MYCBP: variants seen among roughly 807,000 people sequenced by gnomAD.
The protein encoded by MYCBP is MYC binding protein, also known as C-Myc-binding protein.
Under a neutral mutation model 16.8 loss-of-function variants are expected in MYCBP, and 5 were observed. That is an observed-to-expected ratio of 0.30 (90% CI 0.16 to 0.63). The LOEUF is 0.63. MYCBP is among the 20% of genes least tolerant of loss of function. The pLI is 0.83. For synonymous variants in MYCBP, 35 were observed against 43.7 expected (o/e 0.80, Z 0.79); for missense variants, 103 against 121.8 (o/e 0.85, Z 0.73).
intron 4 of MYCBP, among the ~76,000 whole-genome samples, chr1:38,866,044 C>CTTTTTCTTTTTTT (rs1642327832): frequency 1.5e-5 from 1 of 65,720 alleles, no homozygotes; most frequent in Non-Finnish European, 2.5e-5. Flanking sequence ...CTAAGAACCT[C>CTTTTTCTTTTTTT]TTTTTTTTTT....
rs1348672427 is a variant in MYCBP at position 38,873,339 on chromosome 1, G to C, written c.-34C>G. 3 of 1,598,140 alleles carry C rather than the reference G, an allele frequency of 1.9e-6. No individual in the cohort carries two copies. The highest frequency in any genetic ancestry group is 1.1e-5 in the South Asian group (1 of 90,422). ...CGGCAGCGGCGTAGCTGGCGCCGGA[G>C]ACCGCGACTGGCGGGTTGGGAGCAG... On this transcript the variant is annotated 5_prime_UTR_variant, in exon 1 of 5. Transcript: ENST00000397572.
rs1223657103 is a variant in MYCBP at position 38,873,040 on chromosome 1, C to T, written c.66G>A (p.Gly22=). 5 of 1,576,820 alleles carry T rather than the reference C, an allele frequency of 3.2e-6. No homozygotes were observed. In the African/African-American group the frequency reaches 4.1e-5, roughly 13 times the overall value. ...EQFRRYLEKS[G]VLDTLTKVLV... is the part of the protein sequence containing the mutation. The stretch of plus-strand genomic sequence containing the variant: ...CACCCTTGGTCAGCGTGTCCAGCAC[C>T]CCCGACTTCTCCAAGTACCTCCGGA... Residue 22 remains glycine, a synonymous_variant, in exon 2 of 5, where the codon GGG becomes GGA. Coordinates refer to ENST00000397572, the MANE Select transcript of MYCBP (RefSeq NM_012333.5).
chr1:38,869,906 C>T (rs191184731), intron 2 of MYCBP, among the ~76,000 whole-genome samples: 6 of 151,888 alleles, frequency 4.0e-5, no homozygotes, highest in African/African-American at 7.2e-5. Context: ...TGATGGCTCA[C>T]GCCTATAATC....
intron 2 of MYCBP, among the ~76,000 whole-genome samples, chr1:38,870,656 G>A (rs1257474617): frequency 3.3e-5 from 5 of 149,970 alleles, no homozygotes; most frequent in Non-Finnish European, 5.9e-5. Flanking sequence ...AGCCGGGCGC[G>A]GTGGCGGGCG....
chr1:38,862,848 T>C lies in MYCBP; in HGVS notation c.*1822A>G, dbSNP rs1485979537. 1.3e-5 allele frequency: 2 copies of C among 152,164 alleles called. No individual in the cohort carries two copies. The allele number at this position is 152,164 out of a possible 1,614,324, so 9.4% of individuals were successfully genotyped here. A position where few individuals can be genotyped will look rare whatever the true frequency, so the allele number is the denominator to read the frequency against. On this transcript the variant is annotated 3_prime_UTR_variant, in exon 5 of 5. Transcript: ENST00000397572. ...GTCACAGTCACCTGGCTTACTGACA[T>C]AAATATTAATACTAATCAAATGAGT...
chr1:38,866,773 T>C (rs1052063561), intron 4 of MYCBP, 107 bp downstream of exon 4: 2 of 939,530 alleles, frequency 2.1e-6, no homozygotes, highest in South Asian at 1.6e-5. Context: ...TTAATTCAAA[T>C]TGATATTCAC....
intron 2 of MYCBP, among the ~76,000 whole-genome samples, chr1:38,871,569 T>A (rs1642468396): frequency 6.7e-6 from 1 of 149,352 alleles, no homozygotes; most frequent in African/African-American, 2.5e-5. Flanking sequence ...GCACACACCA[T>A]GCCCAGCAAT....
At chr1:38,868,965 T>G (rs1213615220) in intron 2 of MYCBP, among the ~76,000 whole-genome samples, 2 of 152,140 alleles carry the variant, frequency 1.3e-5, no homozygotes, top group Non-Finnish European at 2.9e-5. Flanking sequence ...AGACCCCAAG[T>G]TAAGTCCTGT....
At chr1:38,870,965 G>A (rs1642451904) in intron 2 of MYCBP, among the ~76,000 whole-genome samples, 1 of 151,046 alleles carries the variant, frequency 6.6e-6, no homozygotes. Context: ...TCTAGTGGAG[G>A]GCGGTGGCTC....
intron 2 of MYCBP, among the ~76,000 whole-genome samples, chr1:38,868,775 G>C (rs1042240234): frequency 6.6e-6 from 1 of 152,008 alleles, no homozygotes; most frequent in African/African-American, 2.4e-5. Flanking sequence ...GCGTGGTGGC[G>C]GGCGGCTGTA....
rs369929796 is a variant in MYCBP at position 38,868,741 on chromosome 1, TAA to T, written c.89-1133_89-1132del. Reference sequence around the variant, plus strand: ...TAACACAGTGAAACCCCGTCTCTACTAAAAAATACAAAAAATGAGCCAGGCGT... The same window carrying T: ...TAACACAGTGAAACCCCGTCTCTACTAAAATACAAAAAATGAGCCAGGCGT... On this transcript the variant is annotated intron_variant, in intron 2 of 4. Transcript: ENST00000397572. Among the ~76,000 whole-genome samples, 3 of 151,976 alleles carry T rather than the reference TAA, an allele frequency of 2.0e-5. No individual in the cohort carries two copies. In the East Asian group the frequency reaches 5.8e-4, roughly 30 times the overall value.
chr1:38,865,597 T>C (rs1642318641), intron 4 of MYCBP, among the ~76,000 whole-genome samples: 1 of 151,518 alleles, frequency 6.6e-6, no homozygotes, highest in South Asian at 2.1e-4. Flanking sequence ...GAGTCATGAG[T>C]TTGAGACCAG....
chr1:38,870,759 G>A (rs1341095100), intron 2 of MYCBP, among the ~76,000 whole-genome samples: 3 of 124,750 alleles, frequency 2.4e-5, no homozygotes, highest in Non-Finnish European at 3.2e-5. Context: ...CGCCACTGCA[G>A]TCCGCAGTCC....
In MYCBP at chr1:38,863,318, T is replaced by G. The variant is rs1194517874; in HGVS notation, c.*1352A>C. On this transcript the variant is annotated 3_prime_UTR_variant, in exon 5 of 5. Coordinates refer to ENST00000397572, the MANE Select transcript of MYCBP (RefSeq NM_012333.5). ...AGTTAAACCAGTTTTCATTGGATCA[T>G]TTTGTTTTCTATGTGTGTTTTGACC... 6.6e-6 allele frequency: 1 copy of G among 152,220 alleles called. No individual in the cohort carries two copies. The highest frequency in any genetic ancestry group is 2.4e-5 in the African/African-American group (1 of 41,440). The allele number at this position is 152,220 out of a possible 1,614,324, so 9.4% of individuals were successfully genotyped here.
At chr1:38,867,508 A>G in intron 3 of MYCBP, 54 bp downstream of exon 3, 1 of 1,389,472 alleles carries the variant, frequency 7.2e-7, no homozygotes, top group Non-Finnish European at 1.0e-6. Flanking sequence ...GTTATTATCT[A>G]TCTAAAAAAA....
rs1324278113 is a variant in MYCBP at position 38,867,125 on chromosome 1, G to A, written c.138-116C>T. ...CCACTTTACCACCAATATCTACCCAGAGATCACCATCCAAAAACTCAAGTG... is the reference window on the plus strand; with the variant it reads ...CCACTTTACCACCAATATCTACCCAAAGATCACCATCCAAAAACTCAAGTG... On this transcript the variant is annotated intron_variant, in intron 3 of 4. Coordinates refer to ENST00000397572, the MANE Select transcript of MYCBP (RefSeq NM_012333.5). 5 of 998,744 alleles carry A rather than the reference G, an allele frequency of 5.0e-6. No homozygotes were observed. In the African/African-American group the frequency reaches 8.2e-5, roughly 16 times the overall value. 61.9% of individuals were successfully genotyped at this position (998,744 alleles called of 1,614,324 possible).
chr1:38,868,594 A>G (rs1293465898), intron 2 of MYCBP, among the ~76,000 whole-genome samples: 1 of 152,128 alleles, frequency 6.6e-6, no homozygotes, highest in Non-Finnish European at 1.5e-5. Flanking sequence ...TAATAAAAGC[A>G]AAAAAAGTAA....
chr1:38,873,075 G>T lies in MYCBP; in HGVS notation c.31C>A (p.Arg11Ser). The change falls in exon 2 of 5, where the codon CGT (arginine) becomes AGT (serine). Residue 11 changes from arginine to serine, a missense_variant. Physicochemically the swap from Arg to Ser is moderately radical, Grantham distance 110. Coordinates refer to ENST00000397572, the MANE Select transcript of MYCBP (RefSeq NM_012333.5). The part of the protein sequence containing the change: MAHYKAADSK[R>S]EQFRRYLEKS... Reference sequence around the variant, plus strand: ...TCCAAGTACCTCCGGAACTGCTCACGCTTCGAGTCGGCGGCCTGAAGAGAC... The same window carrying T: ...TCCAAGTACCTCCGGAACTGCTCACTCTTCGAGTCGGCGGCCTGAAGAGAC... 6.4e-7 allele frequency: 1 copy of T among 1,564,070 alleles called. No individual in the cohort carries two copies. Among genetic ancestry groups the T allele is most frequent in the Admixed American group, 1.9e-5 (1 of 53,032 alleles).
At chr1:38,868,832 G>T (rs2124258487) in intron 2 of MYCBP, among the ~76,000 whole-genome samples, 1 of 152,190 alleles carries the variant, frequency 6.6e-6, no homozygotes, top group African/African-American at 2.4e-5. Flanking sequence ...CGTCAACCCA[G>T]GAGGCGGAGC....
Sources: gnomAD v4.1 joint callset for allele counts (sites outside exome capture counted in the v4.1 genomes callset) on GRCh38, gnomAD v4.1.1 for gene constraint, MANE v1.5 for transcripts, NCBI Gene and HGNC (gene_info 2026-07-23, HGNC 2026-07-21) for gene names.